The following CFAP100 variants were observed in gnomAD, a reference collection of about 807,000 sequenced individuals.
The protein encoded by CFAP100 is cilia and flagella associated protein 100, also known as cilia- and flagella-associated protein 100.
In CFAP100, 70 loss-of-function variants were observed where a neutral mutation model predicts 81.5. That is an observed-to-expected ratio of 0.86 (90% CI 0.71 to 1.05). The LOEUF is 1.05. Among genes scored for constraint, CFAP100 ranks in the 50% least tolerant of loss-of-function variants. The pLI is 0.00. For synonymous variants in CFAP100, 341 were observed against 314.8 expected, an observed-to-expected ratio of 1.08 and a Z score of -0.88; for missense variants, 811 against 776.5, an observed-to-expected ratio of 1.04 and a Z score of -0.53.
chr3:126,433,760 C>G (rs1403081347), intron 14 of CFAP100: 1 of 201,708 alleles, frequency 5.0e-6, no homozygotes, highest in Non-Finnish European at 1.0e-5. Flanking sequence ...TGGCTGTGCC[C>G]AGGCTGGGCT....
chr3:126,422,637 C>G (rs1239377853), intron 11 of CFAP100, among the ~76,000 whole-genome samples: 1 of 152,194 alleles, frequency 6.6e-6, no homozygotes, highest in Non-Finnish European at 1.5e-5. Flanking sequence ...AAAGCTCACA[C>G]AGCTTGTTCC....
intron 2 of CFAP100, among the ~76,000 whole-genome samples, chr3:126,399,670 G>T (rs1171272484): frequency 6.6e-6 from 1 of 152,148 alleles, no homozygotes; most frequent in Non-Finnish European, 1.5e-5. Flanking sequence ...GGAAGCTCTG[G>T]GAATCCCTCC....
intron 3 of CFAP100, among the ~76,000 whole-genome samples, chr3:126,408,442 C>T (rs1215255589): frequency 6.6e-6 from 1 of 152,154 alleles, no homozygotes; most frequent in African/African-American, 2.4e-5. Context: ...TCTAGCAGCC[C>T]CCTCCCTGGC....
chr3:126,418,924 A>G (rs967237062), intron 7 of CFAP100, 150 bp downstream of exon 7: 1 of 1,079,852 alleles, frequency 9.3e-7, no homozygotes, highest in African/African-American at 1.6e-5. Flanking sequence ...GGCAGGGGAC[A>G]CTACGGGCAA....
chr3:126,436,283 C>A lies in CFAP100; in HGVS notation c.1723-8C>A, dbSNP rs1367187034. The A allele has an allele frequency of 1.2e-6, 2 of 1,609,574 alleles. No homozygotes were observed. The highest frequency in any genetic ancestry group is 2.7e-5 in the African/African-American group (2 of 74,834). ...CAGCAAGGCTCACTGGGCTTGTTTC[C>A]CCTGCAGAGAGGCAGGACACTGGTA... On this transcript the variant is annotated splice_region_variant and splice_polypyrimidine_tract_variant and intron_variant, in intron 16 of 16. Coordinates refer to ENST00000352312, the MANE Select transcript of CFAP100 (RefSeq NM_182628.3).
intron 13 of CFAP100, 25 bp downstream of exon 13, chr3:126,423,669 G>C (rs574847655): frequency 9.9e-6 from 16 of 1,613,298 alleles, no homozygotes; most frequent in Middle Eastern, 1.7e-4. Flanking sequence ...GTGGCCAGTG[G>C]GGGCTCCCTG....
At chr3:126,432,295 A>AG (rs1933264052) in intron 13 of CFAP100, among the ~76,000 whole-genome samples, 1 of 151,596 alleles carries the variant, frequency 6.6e-6, no homozygotes. Flanking sequence ...AAAAAAAAAA[A>AG]AAAAAAAAAG....
intron 13 of CFAP100, among the ~76,000 whole-genome samples, chr3:126,425,169 C>T (rs2083388557): frequency 6.6e-6 from 1 of 152,228 alleles, no homozygotes; most frequent in African/African-American, 2.4e-5. Context: ...TCCTCCAACA[C>T]ATGCATGCAA....
At chr3:126,400,489 C>G (rs1050813894) in intron 2 of CFAP100, among the ~76,000 whole-genome samples, 7 of 152,020 alleles carry the variant, frequency 4.6e-5, no homozygotes, top group African/African-American at 1.7e-4. Flanking sequence ...CACGGTGACT[C>G]TCGCCTAAAA....
At chr3:126,422,631 C>T (rs1350798896) in intron 11 of CFAP100, among the ~76,000 whole-genome samples, 3 of 152,274 alleles carry the variant, frequency 2.0e-5, no homozygotes, top group South Asian at 2.1e-4. Context: ...GTGCTTAAAG[C>T]TCACACAGCT....
intron 3 of CFAP100, among the ~76,000 whole-genome samples, chr3:126,410,804 G>A (rs900170780): frequency 6.6e-6 from 1 of 152,224 alleles, no homozygotes; most frequent in Non-Finnish European, 1.5e-5. Flanking sequence ...TATGTCATCC[G>A]CAGATTTCTT....
In CFAP100 at chr3:126,416,368, C is replaced by T. The variant is rs2083241011; in HGVS notation, c.278C>T (p.Ser93Leu). The T allele has an allele frequency of 6.2e-7, 1 of 1,611,180 alleles. No individual in the cohort carries two copies. Among genetic ancestry groups the T allele is most frequent in the Non-Finnish European group, 8.5e-7 (1 of 1,178,938 alleles). Reference sequence around the variant, plus strand: ...GTGCACCAGAAGATGACCTACTCCTCGAAAGTGTCGGCTAAGCACACCAGC... The same window carrying T: ...GTGCACCAGAAGATGACCTACTCCTTGAAAGTGTCGGCTAAGCACACCAGC... Reference protein sequence around the residue: ...MRVHQKMTYSSKVSAKHTSLR... With the variant: ...MRVHQKMTYSLKVSAKHTSLR... The change falls in exon 5 of 17, where the codon TCG becomes TTG. Residue 93 changes from serine (S) to leucine (L), a missense_variant. Ser to Leu is a moderately radical substitution (Grantham distance 145). Coordinates refer to ENST00000352312, the MANE Select transcript of CFAP100 (RefSeq NM_182628.3).
chr3:126,430,867 A>G (rs1430462635), intron 13 of CFAP100, among the ~76,000 whole-genome samples: 1 of 152,042 alleles, frequency 6.6e-6, no homozygotes, highest in Non-Finnish European at 1.5e-5. Flanking sequence ...GGGAGTCTAT[A>G]AGACAATTAT....
Position 126,395,925 on chromosome 3 carries a change from A to G in CFAP100, c.-59-17A>G. The G allele has an allele frequency of 1.5e-6, 2 of 1,297,308 alleles. No homozygotes were observed. The highest frequency in any genetic ancestry group is 2.4e-5 in the South Asian group (2 of 83,526). The allele number at this position is 1,297,308 out of a possible 1,614,324, so 80.4% of individuals were successfully genotyped here. ...GGCTTGGGGACCACCAGGCTCAAGC[A>G]CTGTGTCACTCCTCAGGTGAGGATC... On this transcript the variant is annotated splice_polypyrimidine_tract_variant and intron_variant, in intron 1 of 16. Transcript: ENST00000352312.
chr3:126,423,245 T>G, intron 11 of CFAP100, 80 bp from the exon 12 acceptor site: 1 of 1,232,608 alleles, frequency 8.1e-7, no homozygotes, highest in Non-Finnish European at 1.1e-6. Context: ...GCCAACGCCT[T>G]CAAGACCTCT....
At chr3:126,424,012 G>A (rs562906469) in intron 13 of CFAP100, among the ~76,000 whole-genome samples, 1 of 152,360 alleles carries the variant, frequency 6.6e-6, no homozygotes, top group South Asian at 2.1e-4. Context: ...GCACTAACAT[G>A]CTTCACACAG....
In CFAP100 at chr3:126,436,491, C is replaced by A; in HGVS notation, c.*87C>A. On this transcript the variant is annotated 3_prime_UTR_variant, in exon 17 of 17. Coordinates refer to ENST00000352312, the MANE Select transcript of CFAP100 (RefSeq NM_182628.3). ...AGACTGGGCTGGGTCTCGAGTGGCC[C>A]AACTGAGTCCTCTCTGTCTCCTGTG... 1.1e-6 allele frequency: 1 copy of A among 889,196 alleles called. No homozygotes were observed. The highest frequency in any genetic ancestry group is 1.5e-5 in the South Asian group (1 of 66,936). 55.1% of individuals were successfully genotyped at this position (889,196 alleles called of 1,614,324 possible). A position where few individuals can be genotyped will look rare whatever the true frequency, so the allele number is the denominator to read the frequency against.
At chr3:126,435,484 C>A in intron 15 of CFAP100, 75 bp from the exon 16 acceptor site, 1 of 1,283,580 alleles carries the variant, frequency 7.8e-7, no homozygotes, top group Non-Finnish European at 1.1e-6. Context: ...ACGGCCTGGC[C>A]TGGGGACTCC....
intron 13 of CFAP100, chr3:126,432,829 G>C (rs970642061): frequency 7.7e-6 from 3 of 392,152 alleles, no homozygotes; most frequent in African/African-American, 2.0e-5. Context: ...TATTGTCTGT[G>C]AATTATGCCT....
Sources: allele counts gnomAD v4.1 joint callset (sites outside exome capture counted in the v4.1 genomes callset), GRCh38; gene constraint gnomAD v4.1.1; transcripts MANE v1.5; gene names NCBI Gene and HGNC (gene_info 2026-07-23, HGNC 2026-07-21).